Variants in ZNF813 observed in about 807,000 individuals in gnomAD.
ZNF813 encodes zinc finger protein 813.
In ZNF813, 3 loss-of-function variants were observed where a neutral mutation model predicts 7.2. The observed-to-expected ratio is 0.42, with a 90% CI of 0.19 to 1.08. The LOEUF (loss-of-function observed/expected upper bound fraction) is 1.08, where lower values mean the gene tolerates loss of function less well. ZNF813 is among the 50% of genes least tolerant of loss of function. The pLI is 0.30. For missense variants in ZNF813, 714 were observed against 753.3 expected (o/e 0.95, Z 0.61); for synonymous variants, 227 against 256.3 (o/e 0.89, Z 1.09).
chr19:53,480,600 C>T lies in ZNF813; in HGVS notation c.-73-3150C>T, dbSNP rs188127694. ...ATTATTTATTGAAAACCTTTAGTAC[C>T]GAATACAGAAGTTTGATTATTTCAG... On this transcript the variant is annotated intron_variant, in intron 1 of 3. Coordinates refer to ENST00000396403, the MANE Select transcript of ZNF813 (RefSeq NM_001004301.4). 6.6e-5 allele frequency among the ~76,000 whole-genome samples: 10 copies of T among 152,240 alleles called. No individual in the cohort carries two copies. In the East Asian group the frequency reaches 1.4e-3, roughly 21 times the overall value.
At chr19:53,486,411 C>T (rs1397248502) in intron 2 of ZNF813, among the ~76,000 whole-genome samples, 2 of 150,178 alleles carry the variant, frequency 1.3e-5, no homozygotes, top group Non-Finnish European at 3.0e-5. Context: ...TGTGCCATTG[C>T]ACTCCAGCCT....
rs763463613 is a variant in ZNF813 at position 53,491,708 on chromosome 19, G to C, written c.1476G>C (p.Glu492Asp). ...LVIHTAIHTG[E>D]KPYKCNECGK... ...TTCATACGGCAATTCATACTGGAGAGAAACCTTACAAGTGTAATGAATGTG... is the reference window on the plus strand; with the variant it reads ...TTCATACGGCAATTCATACTGGAGACAAACCTTACAAGTGTAATGAATGTG... Residue 492 changes from glutamate to aspartate, a missense_variant, in exon 4 of 4, where the codon GAG (glutamate) becomes GAC (aspartate). This residue lies in a region of ZNF813 where 563 missense variants were observed against 554.2 expected (regional missense o/e 1.02). Transcript: ENST00000396403. 2 of 1,613,630 alleles carry C rather than the reference G, an allele frequency of 1.2e-6. No homozygotes were observed. The highest frequency in any genetic ancestry group is 2.2e-5 in the South Asian group (2 of 91,024).
At chr19:53,484,604 A>G (rs2086424090) in intron 2 of ZNF813, among the ~76,000 whole-genome samples, 1 of 152,180 alleles carries the variant, frequency 6.6e-6, no homozygotes, top group African/African-American at 2.4e-5. Context: ...TTGGTCTGTC[A>G]CCTAGGCTGA....
At chr19:53,476,820 C>T (rs188689785) in intron 1 of ZNF813, among the ~76,000 whole-genome samples, 153 of 152,100 alleles carry the variant, frequency 1.0e-3, no homozygotes, top group African/African-American at 3.2e-3. Context: ...CCCGCCACCA[C>T]GCCTGGCTAA....
chr19:53,473,067 A>C (rs1029012356), intron 1 of ZNF813, among the ~76,000 whole-genome samples: 1 of 152,200 alleles, frequency 6.6e-6, no homozygotes, highest in Non-Finnish European at 1.5e-5. Context: ...TAAGGAGGGT[A>C]GCAACAGCAA....
At chr19:53,485,182 T>C (rs933180796) in intron 2 of ZNF813, among the ~76,000 whole-genome samples, 2 of 152,140 alleles carry the variant, frequency 1.3e-5, no homozygotes, top group South Asian at 2.1e-4. Context: ...ACTACAGATA[T>C]CTGAAGATCC....
At chr19:53,478,345 T>C (rs1489347302) in intron 1 of ZNF813, among the ~76,000 whole-genome samples, 2 of 150,650 alleles carry the variant, frequency 1.3e-5, no homozygotes. Flanking sequence ...AGTATTGTAT[T>C]TTTTTTTTGT....
intron 1 of ZNF813, among the ~76,000 whole-genome samples, chr19:53,475,647 G>C (rs2086378624): frequency 6.6e-6 from 1 of 152,220 alleles, no homozygotes. Context: ...GTTAGTTGCT[G>C]TCCTAGAGTT....
Position 53,494,942 on chromosome 19 carries a change from C to G in ZNF813, c.*2856C>G, listed in dbSNP as rs139707935. The G allele has an allele frequency of 6.6e-6, 1 of 152,078 alleles. No individual in the cohort carries two copies. Among genetic ancestry groups the G allele is most frequent in the Non-Finnish European group, 1.5e-5 (1 of 68,166 alleles). 9.4% of individuals were successfully genotyped at this position (152,078 alleles called of 1,614,324 possible). ...TGGAGTCTGTGGTAGGAGGATAGCT[C>G]GAGCCTGGGAGGTTGAGGCTGCAGT... On this transcript the variant is annotated 3_prime_UTR_variant, in exon 4 of 4. Coordinates refer to ENST00000396403, the MANE Select transcript of ZNF813 (RefSeq NM_001004301.4).
At chr19:53,478,541 A>G (rs2086392360) in intron 1 of ZNF813, among the ~76,000 whole-genome samples, 1 of 152,044 alleles carries the variant, frequency 6.6e-6, no homozygotes, top group Non-Finnish European at 1.5e-5. Context: ...ACTTTGGGAG[A>G]TGGAGGTGAG....
chr19:53,481,927 A>C (rs761895083), intron 1 of ZNF813, among the ~76,000 whole-genome samples: 1 of 152,120 alleles, frequency 6.6e-6, no homozygotes, highest in Non-Finnish European at 1.5e-5. Flanking sequence ...CCAGGCCCCA[A>C]TGTAAGAAGA....
intron 1 of ZNF813, among the ~76,000 whole-genome samples, chr19:53,476,503 C>T (rs145599739): frequency 1.3e-5 from 2 of 152,086 alleles, no homozygotes; most frequent in South Asian, 2.1e-4. Flanking sequence ...GTGGCTGGCA[C>T]CTGTAATCCT....
At chr19:53,477,006 C>G (rs2086385275) in intron 1 of ZNF813, among the ~76,000 whole-genome samples, 1 of 152,136 alleles carries the variant, frequency 6.6e-6, no homozygotes, top group South Asian at 2.1e-4. Flanking sequence ...TCCAGGTGAA[C>G]TGTGACGCTT....
chr19:53,496,137 A>G lies in ZNF813; in HGVS notation c.*4051A>G. The G allele has an allele frequency of 8.7e-6, 2 of 229,644 alleles. No individual in the cohort carries two copies. Among genetic ancestry groups the G allele is most frequent in the Admixed American group, 8.1e-5 (2 of 24,640 alleles). The allele number at this position is 229,644 out of a possible 1,614,324, so 14.2% of individuals were successfully genotyped here. A position where few individuals can be genotyped will look rare whatever the true frequency, so the allele number is the denominator to read the frequency against. On this transcript the variant is annotated 3_prime_UTR_variant, in exon 4 of 4. Coordinates refer to ENST00000396403, the MANE Select transcript of ZNF813 (RefSeq NM_001004301.4). ...ATGTCACCACTATCTGGAGTGTTGG[A>G]AATGTTTTATTGGGAATATGTTTTT...
chr19:53,481,344 C>CTTTTTTTTTTTTTTTT lies in ZNF813; in HGVS notation c.-73-2402_-73-2387dup, dbSNP rs66842546. ...GCTATTCTAAAAGCACCCATGTATT[C>CTTTTTTTTTTTTTTTT]TTTTTTTTTTTTTTTTTTTGAGATG... On this transcript the variant is annotated intron_variant, in intron 1 of 3. Transcript: ENST00000396403. Among the ~76,000 whole-genome samples the CTTTTTTTTTTTTTTTT allele has an allele frequency of 6.9e-4, 73 of 106,358 alleles. 5 individuals carry two copies. Among genetic ancestry groups the CTTTTTTTTTTTTTTTT allele is most frequent in the African/African-American group, 1.8e-3 (44 of 24,660 alleles). 69.8% of individuals were successfully genotyped at this position (106,358 alleles called of 152,430 possible). A position where few individuals can be genotyped will look rare whatever the true frequency, so the allele number is the denominator to read the frequency against.
chr19:53,491,847 G>C lies in ZNF813; in HGVS notation c.1615G>C (p.Ala539Pro), dbSNP rs764792459. The C allele has an allele frequency of 6.2e-7, 1 of 1,613,618 alleles. No homozygotes were observed. Among genetic ancestry groups the C allele is most frequent in the Non-Finnish European group, 8.5e-7 (1 of 1,179,782 alleles). The change falls in exon 4 of 4, where the codon GCA becomes CCA. Residue 539 changes from alanine to proline, a missense_variant. Coordinates refer to ENST00000396403, the MANE Select transcript of ZNF813 (RefSeq NM_001004301.4). The stretch of plus-strand genomic sequence containing the variant: ...GGTTTTTAATCGAAAAACACACCTT[G>C]CACATCATCATAGACTTCATACTGG... Reference protein sequence around the residue: ...GKVFNRKTHLAHHHRLHTGDK... With the variant: ...GKVFNRKTHLPHHHRLHTGDK...
At chr19:53,477,123 G>A (rs1430750446) in intron 1 of ZNF813, among the ~76,000 whole-genome samples, 1 of 152,178 alleles carries the variant, frequency 6.6e-6, no homozygotes, top group Non-Finnish European at 1.5e-5. Context: ...ACTTGCTGGA[G>A]TCCTATCACA....
Position 53,490,917 on chromosome 19 carries a change from C to G in ZNF813, c.685C>G (p.Leu229Val). ...ESGKAFNYSSLLRKHQIIHLG... is the reference protein window; with the variant it reads ...ESGKAFNYSSVLRKHQIIHLG... Reference sequence around the variant, plus strand: ...TGGCAAAGCCTTTAATTATAGCTCACTCTTAAGGAAACATCAAATAATCCA... The same window carrying G: ...TGGCAAAGCCTTTAATTATAGCTCAGTCTTAAGGAAACATCAAATAATCCA... Residue 229 changes from leucine to valine, a missense_variant, in exon 4 of 4, where the codon CTC becomes GTC. By Grantham distance (32) the Leu-to-Val change is conservative (BLOSUM62 1). Transcript: ENST00000396403. The G allele has an allele frequency of 1.2e-6, 2 of 1,614,104 alleles. No homozygotes were observed. Among genetic ancestry groups the G allele is most frequent in the Non-Finnish European group, 1.7e-6 (2 of 1,179,984 alleles).
At chr19:53,471,897 T>C in intron 1 of ZNF813, among the ~76,000 whole-genome samples, 1 of 152,094 alleles carries the variant, frequency 6.6e-6, no homozygotes, top group East Asian at 1.9e-4. Flanking sequence ...ACTCTTTTGC[T>C]TCTTAAGGCC....
Sources: allele counts gnomAD v4.1 joint callset (sites outside exome capture counted in the v4.1 genomes callset), GRCh38; gene constraint gnomAD v4.1.1; regional missense constraint gnomAD v4.1.1; transcripts MANE v1.5; gene names NCBI Gene and HGNC (gene_info 2026-07-23, HGNC 2026-07-21).